DNM2: variants seen among roughly 807,000 people sequenced by gnomAD.
DNM2 encodes dynamin 2, also known as dynamin-2.
In DNM2, 15 loss-of-function variants were observed where a neutral mutation model predicts 99.0. That is an observed-to-expected ratio of 0.15 (90% CI 0.10 to 0.23). DNM2 has a LOEUF of 0.23. Ranked by LOEUF, DNM2 falls within the 10% of genes least tolerant of loss-of-function variation. DNM2 has a pLI of 1.00. For missense variants in DNM2, 742 were observed against 1,189.4 expected, an observed-to-expected ratio of 0.62 and a Z score of 5.53; for synonymous variants, 525 against 481.2, an observed-to-expected ratio of 1.09 and a Z score of -1.19.
chr19:10,802,237 C>T (rs536903134), intron 11 of DNM2, 51 bp from the exon 12 acceptor site: 1 of 1,598,312 alleles, frequency 6.3e-7, no homozygotes, highest in Non-Finnish European at 8.6e-7. Flanking sequence ...GCCGCTGCCC[C>T]CCCTTGCCAG....
chr19:10,758,518 T>C (rs1435925581), intron 1 of DNM2, among the ~76,000 whole-genome samples: 1 of 92,814 alleles, frequency 1.1e-5, no homozygotes, highest in Non-Finnish European at 2.2e-5. Context: ...TTCCTCCCTT[T>C]CCTCCCTTCC....
chr19:10,752,609 G>T (rs969389593), intron 1 of DNM2, among the ~76,000 whole-genome samples: 1 of 152,252 alleles, frequency 6.6e-6, no homozygotes, highest in African/African-American at 2.4e-5. Flanking sequence ...CAGGTGCCCT[G>T]GTGGTTAGAC....
intron 15 of DNM2, among the ~76,000 whole-genome samples, chr19:10,814,195 T>C (rs1458600667): frequency 6.6e-6 from 1 of 152,104 alleles, no homozygotes; most frequent in Non-Finnish European, 1.5e-5. Flanking sequence ...CTGGGCGCAG[T>C]GGCTCACGCC....
chr19:10,747,868 G>A (rs897487307), intron 1 of DNM2, among the ~76,000 whole-genome samples: 22 of 152,238 alleles, frequency 1.4e-4, no homozygotes, highest in African/African-American at 5.1e-4. Flanking sequence ...TCCTATGGCG[G>A]GGGGAGGGAG....
At chr19:10,761,394 G>GA in intron 2 of DNM2, among the ~76,000 whole-genome samples, 1 of 152,122 alleles carries the variant, frequency 6.6e-6, no homozygotes, top group East Asian at 1.9e-4. Flanking sequence ...TGATCTCAGT[G>GA]TATTTCTATT....
At chr19:10,728,718 C>A (rs547233088) in intron 1 of DNM2, among the ~76,000 whole-genome samples, 7 of 152,062 alleles carry the variant, frequency 4.6e-5, no homozygotes, top group Non-Finnish European at 1.0e-4. Context: ...GAGGCCAAGG[C>A]GGGCAGATCA....
intron 3 of DNM2, among the ~76,000 whole-genome samples, chr19:10,773,537 C>T (rs947775529): frequency 2.6e-5 from 4 of 151,322 alleles, no homozygotes; most frequent in Non-Finnish European, 5.9e-5. Context: ...CAACCTTCAC[C>T]TCCCGGGTTC....
intron 15 of DNM2, among the ~76,000 whole-genome samples, chr19:10,819,703 A>C (rs1009412417): frequency 6.6e-5 from 10 of 152,240 alleles, no homozygotes; most frequent in African/African-American, 2.4e-4. Context: ...TTAGGGCAGG[A>C]GGGAGCCATG....
At chr19:10,741,478 C>T (rs2069744610) in intron 1 of DNM2, among the ~76,000 whole-genome samples, 1 of 151,920 alleles carries the variant, frequency 6.6e-6, no homozygotes, top group Non-Finnish European at 1.5e-5. Flanking sequence ...ATCCTCTCAT[C>T]TTGGCCTCCC....
At chr19:10,821,981 C>T (rs2072986536) in intron 16 of DNM2, among the ~76,000 whole-genome samples, 1 of 152,172 alleles carries the variant, frequency 6.6e-6, no homozygotes, top group South Asian at 2.1e-4. Context: ...TCGGGGCAGC[C>T]ACTTGCTGAC....
At chr19:10,766,315 C>T (rs1044117892) in intron 2 of DNM2, among the ~76,000 whole-genome samples, 1 of 152,168 alleles carries the variant, frequency 6.6e-6, no homozygotes, top group Admixed American at 6.6e-5. Flanking sequence ...CACTCTGGGG[C>T]TCCACAAGCT....
chr19:10,740,876 C>A (rs1176001137), intron 1 of DNM2, among the ~76,000 whole-genome samples: 1 of 152,158 alleles, frequency 6.6e-6, no homozygotes, highest in African/African-American at 2.4e-5. Context: ...TTGAGAATTT[C>A]TGAAAAACAT....
rs1231259086 is a variant in DNM2, at chr19:10,732,064, T to C, written c.161+13661T>C. Among the ~76,000 whole-genome samples, 17 of 150,600 alleles carry C rather than the reference T, an allele frequency of 1.1e-4. 1 individual carries two copies. Among genetic ancestry groups the C allele is most frequent in the Non-Finnish European group, 5.9e-5 (4 of 67,496 alleles). ...CCGCCTCCCAGGTTCAAGCGATTCTTCTGCCTCAGCCTCCCGAGTAGCTGT... is the reference window on the plus strand; with the variant it reads ...CCGCCTCCCAGGTTCAAGCGATTCTCCTGCCTCAGCCTCCCGAGTAGCTGT... On this transcript the variant is annotated intron_variant, in intron 1 of 20. Coordinates refer to ENST00000389253, the MANE Select transcript of DNM2 (RefSeq NM_001005361.3).
chr19:10,819,879 G>C, intron 15 of DNM2, 101 bp from the exon 16 acceptor site: 1 of 1,070,410 alleles, frequency 9.3e-7, no homozygotes, highest in South Asian at 1.3e-5. Flanking sequence ...GCATTGAGAA[G>C]CCCCCGGGGC....
chr19:10,753,412 C>G (rs2070271615), intron 1 of DNM2, among the ~76,000 whole-genome samples: 1 of 132,944 alleles, frequency 7.5e-6, no homozygotes, highest in African/African-American at 2.8e-5. Context: ...TCCCTTCCCC[C>G]CCCCACTTCC....
At chr19:10,780,428 G>A (rs2071329878) in intron 5 of DNM2, 1 of 152,396 alleles carries the variant, frequency 6.6e-6, no homozygotes, top group Non-Finnish European at 1.5e-5. Context: ...CTGAGGATTT[G>A]GTGATATGGG....
chr19:10,817,963 C>T lies in DNM2; in HGVS notation c.1672-2017C>T, dbSNP rs1205704891. The stretch of plus-strand genomic sequence containing the variant: ...CTTGGCCCTGCTGGCTGGAAGCTTC[C>T]GGCCGCGTGATATGATAGGGTCAGG... On this transcript the variant is annotated intron_variant, in intron 15 of 20. Coordinates refer to ENST00000389253, the MANE Select transcript of DNM2 (RefSeq NM_001005361.3). The surrounding 1 kb of genome is among the most constrained non-coding windows in gnomAD (Gnocchi z 4.6). Among the ~76,000 whole-genome samples, 2 of 152,046 alleles carry T rather than the reference C, an allele frequency of 1.3e-5. No individual in the cohort carries two copies. Among genetic ancestry groups the T allele is most frequent in the African/African-American group, 2.4e-5 (1 of 41,400 alleles).
chr19:10,819,267 A>G (rs2072888313), intron 15 of DNM2, among the ~76,000 whole-genome samples: 1 of 152,158 alleles, frequency 6.6e-6, no homozygotes, highest in Non-Finnish European at 1.5e-5. Flanking sequence ...TGATAATGAT[A>G]ATAATAAAGA....
chr19:10,786,876 A>C, intron 7 of DNM2, 170 bp downstream of exon 7: 1 of 1,387,542 alleles, frequency 7.2e-7, no homozygotes, highest in East Asian at 2.5e-5. Context: ...CATTCGCCCC[A>C]GTGGAGGGGA....
Sources: allele counts gnomAD v4.1 joint callset (sites outside exome capture counted in the v4.1 genomes callset), GRCh38; gene constraint gnomAD v4.1.1; non-coding constraint Gnocchi (gnomAD v3.1); transcripts MANE v1.5; gene names NCBI Gene and HGNC (gene_info 2026-07-23, HGNC 2026-07-21).